CHL1: variants seen among roughly 807,000 people sequenced by gnomAD.
CHL1 encodes neural cell adhesion molecule L1-like protein.
In CHL1, 96 loss-of-function variants were observed where a neutral mutation model predicts 141.9. That is an observed-to-expected ratio of 0.68 (90% confidence interval 0.57 to 0.80). CHL1 has a LOEUF of 0.80. Among genes scored for constraint, CHL1 ranks in the 30% least tolerant of loss-of-function variants. The probability of loss-of-function intolerance (pLI) is 0.00; values close to 1 mark genes in which losing one functional copy is unlikely to be tolerated. For missense variants in CHL1, 1,820 were observed against 1,457.2 expected (o/e 1.25, Z -4.05); for synonymous variants, 613 against 502.2 (o/e 1.22, Z -2.95).
chr3:236,527 G>C (rs973976415), intron 1 of CHL1, among the ~76,000 whole-genome samples: 7 of 152,234 alleles, frequency 4.6e-5, no homozygotes, highest in Non-Finnish European at 5.9e-5. Flanking sequence ...GGCCAAAAAT[G>C]TGTCTCTCCG....
intron 24 of CHL1, among the ~76,000 whole-genome samples, chr3:396,971 A>ATG (rs1358251498): frequency 6.6e-6 from 1 of 152,166 alleles, no homozygotes; most frequent in African/African-American, 2.4e-5. Flanking sequence ...TGCTCTGCCT[A>ATG]TATAGCTCAT....
rs73814765 is a variant in CHL1, at chr3:400,317, T to G, written c.3385+1169T>G. Among the ~76,000 whole-genome samples, 685 of 152,328 alleles carry G rather than the reference T, an allele frequency of 4.5e-3. 9 individuals carry two copies. Among genetic ancestry groups the G allele is most frequent in the African/African-American group, 0.016 (646 of 41,574 alleles). ...GCGTTTCACTTTTTTCTCTGAAGAC[T>G]GAATGATTATGAATTAAGTTCACAA... On this transcript the variant is annotated intron_variant, in intron 26 of 27. Transcript: ENST00000256509.
At chr3:204,419 A>G (rs1191534397) in intron 1 of CHL1, among the ~76,000 whole-genome samples, 1 of 152,254 alleles carries the variant, frequency 6.6e-6, no homozygotes, top group East Asian at 1.9e-4. Flanking sequence ...GTTGTATCAG[A>G]ACAAGGACGA....
chr3:320,410 C>CAGTA (rs1700470052), intron 3 of CHL1, among the ~76,000 whole-genome samples: 2 of 151,926 alleles, frequency 1.3e-5, no homozygotes, highest in Admixed American at 1.3e-4. Flanking sequence ...AGAGGTTAAA[C>CAGTA]AGTAGTCTGA....
At chr3:340,179 A>G (rs1425417605) in intron 5 of CHL1, among the ~76,000 whole-genome samples, 1 of 152,188 alleles carries the variant, frequency 6.6e-6, no homozygotes, top group African/African-American at 2.4e-5. Flanking sequence ...AATATTGACA[A>G]GTCTCATTTC....
chr3:333,124 ATTTTTTTTAT>A (rs1701582462), intron 5 of CHL1, among the ~76,000 whole-genome samples: 2 of 83,346 alleles, frequency 2.4e-5, no homozygotes, highest in East Asian at 4.8e-4. Flanking sequence ...TAATTGCTCT[ATTTTTTTTAT>A]TTTTTTTTTT....
intron 1 of CHL1, among the ~76,000 whole-genome samples, chr3:219,859 A>T (rs1700669540): frequency 6.6e-6 from 1 of 152,198 alleles, no homozygotes; most frequent in Non-Finnish European, 1.5e-5. Flanking sequence ...AAAAAAGAGA[A>T]CACATTTCAG....
chr3:351,594 A>G (rs1703266186), intron 10 of CHL1, among the ~76,000 whole-genome samples: 2 of 152,284 alleles, frequency 1.3e-5, no homozygotes, highest in South Asian at 4.1e-4. Flanking sequence ...ACATTAAATA[A>G]TAAGGATTTG....
At chr3:343,952 C>T (rs1401601398) in intron 8 of CHL1, among the ~76,000 whole-genome samples, 1 of 152,158 alleles carries the variant, frequency 6.6e-6, no homozygotes, top group Non-Finnish European at 1.5e-5. Context: ...AGATGGAAGT[C>T]TTCTAATTTG....
At chr3:319,976 A>C (rs936230366) in intron 3 of CHL1, 109 bp downstream of exon 3, 1 of 648,710 alleles carries the variant, frequency 1.5e-6, no homozygotes, top group East Asian at 2.9e-5. Flanking sequence ...ATATTTCTAT[A>C]TATTCTTTAG....
At chr3:265,862 C>T (rs929990528) in intron 2 of CHL1, among the ~76,000 whole-genome samples, 3 of 152,060 alleles carry the variant, frequency 2.0e-5, no homozygotes, top group African/African-American at 7.2e-5. Flanking sequence ...AGAGATTTCT[C>T]CTCAGTATTC....
At chr3:214,555 G>C (rs1327850265) in intron 1 of CHL1, among the ~76,000 whole-genome samples, 1 of 151,996 alleles carries the variant, frequency 6.6e-6, no homozygotes, top group African/African-American at 2.4e-5. Context: ...GACTTGACTT[G>C]TTAAATCTAT....
At chr3:330,095 AC>A (rs1430555784) in intron 5 of CHL1, among the ~76,000 whole-genome samples, 1 of 152,108 alleles carries the variant, frequency 6.6e-6, no homozygotes, top group Non-Finnish European at 1.5e-5. Flanking sequence ...TTTTTCATAC[AC>A]ATGGGGTAAA....
intron 15 of CHL1, among the ~76,000 whole-genome samples, chr3:369,818 A>G (rs1705394325): frequency 6.6e-6 from 1 of 152,198 alleles, no homozygotes; most frequent in Non-Finnish European, 1.5e-5. Context: ...GGAATGATGA[A>G]TTTTATCAAA....
chr3:256,234 A>G (rs961436137), intron 2 of CHL1, among the ~76,000 whole-genome samples: 2 of 150,376 alleles, frequency 1.3e-5, no homozygotes, highest in African/African-American at 4.9e-5. Context: ...TATGACTTTG[A>G]TAGGTAGTCT....
At chr3:340,047 TA>T (rs945426698) in intron 5 of CHL1, among the ~76,000 whole-genome samples, 1 of 152,190 alleles carries the variant, frequency 6.6e-6, no homozygotes, top group African/African-American at 2.4e-5. Context: ...AATACTTCCA[TA>T]AAAATATTAA....
intron 26 of CHL1, among the ~76,000 whole-genome samples, chr3:399,445 TC>T (rs894667820): frequency 6.6e-6 from 1 of 151,950 alleles, no homozygotes; most frequent in Admixed American, 6.6e-5. Context: ...ATCGAGACCA[TC>T]CTGGCCAACA....
At position 394,836 on chromosome 3, in the gene CHL1, C is replaced by T. The variant is rs1559355724; in HGVS notation, c.3058C>T (p.Pro1020Ser). The T allele has an allele frequency of 6.2e-7, 1 of 1,613,244 alleles. No homozygotes were observed. Among genetic ancestry groups the T allele is most frequent in the Non-Finnish European group, 8.5e-7 (1 of 1,179,658 alleles). Residue 1020 changes from proline (P) to serine (S), a missense_variant, in exon 24 of 28, where the codon CCG becomes TCG. By Grantham distance (74) the Pro-to-Ser change is moderately conservative. Coordinates refer to ENST00000256509, the MANE Select transcript of CHL1 (RefSeq NM_006614.4). ...TTGCACTTCACAGGGCTGTGGAAAA[C>T]CGATCACGGAGGAAAGCTCCACCTT... The part of the protein sequence containing the change: ...RACTSQGCGK[P>S]ITEESSTLGE...
At chr3:329,541 A>G (rs1425622041) in intron 5 of CHL1, among the ~76,000 whole-genome samples, 8 of 151,996 alleles carry the variant, frequency 5.3e-5, no homozygotes, top group Non-Finnish European at 8.8e-5. Flanking sequence ...AAATAGTATT[A>G]TCACACAATG....
Sources: gnomAD v4.1 joint callset for allele counts (sites outside exome capture counted in the v4.1 genomes callset) on GRCh38, gnomAD v4.1.1 for gene constraint, MANE v1.5 for transcripts, NCBI Gene and HGNC (gene_info 2026-07-23, HGNC 2026-07-21) for gene names.